AK9: variants seen among roughly 807,000 people sequenced by gnomAD.
AK9 encodes the protein adenylate kinase domain containing 1.
AK9 carries 191 observed loss-of-function variants against 239.6 expected under a neutral mutation model. The observed-to-expected ratio is 0.80, with a 90% CI of 0.71 to 0.90. The LOEUF (loss-of-function observed/expected upper bound fraction) is 0.90. AK9 is among the 40% of genes least tolerant of loss of function. The pLI is 0.00. For missense variants in AK9, 1,995 were observed against 2,214.7 expected (o/e 0.90, Z 1.99); for synonymous variants, 689 against 721.0 (o/e 0.96, Z 0.71).
chr6:109,675,455 A>G (rs938289883), intron 2 of AK9, among the ~76,000 whole-genome samples, 174 bp downstream of exon 2: 1 of 152,132 alleles, frequency 6.6e-6, no homozygotes, highest in Non-Finnish European at 1.5e-5. Flanking sequence ...TGTGTGCAAG[A>G]GATAGTTATG....
Position 109,497,956 on chromosome 6 carries a change from CCAAGAATTT to C in AK9, c.5047_5055del (p.Lys1683_Leu1685del). Reference sequence around the variant, plus strand: ...GGAGGCACGTACAATTCTGGGTTCTCCAAGAATTTCTATTAAAAAAGAATTCCAGTAGCA... The same window carrying C: ...GGAGGCACGTACAATTCTGGGTTCTCCTATTAAAAAAGAATTCCAGTAGCA... On this transcript the variant is annotated inframe_deletion and splice_region_variant, in exon 37 of 41. Transcript: ENST00000424296. The C allele has an allele frequency of 6.2e-7, 1 of 1,612,964 alleles. No homozygotes were observed. The highest frequency in any genetic ancestry group is 8.5e-7 in the Non-Finnish European group (1 of 1,179,158).
intron 8 of AK9, among the ~76,000 whole-genome samples, chr6:109,653,461 T>TATCATAGCC (rs1799257055): frequency 6.6e-6 from 1 of 152,202 alleles, no homozygotes; most frequent in African/African-American, 2.4e-5. Context: ...TAAACTGCCT[T>TATCATAGCC]ATCATAGCCT....
chr6:109,651,982 G>A (rs1216293086), intron 8 of AK9, among the ~76,000 whole-genome samples: 2 of 152,076 alleles, frequency 1.3e-5, no homozygotes, highest in African/African-American at 4.8e-5. Context: ...GGTACAAAGA[G>A]GAGCTGGTAC....
Position 109,516,607 on chromosome 6 carries a change from T to C in AK9, c.3669A>G (p.Glu1223=). The C allele has an allele frequency of 7.7e-6, 12 of 1,550,486 alleles. No homozygotes were observed. The highest frequency in any genetic ancestry group is 8.7e-6 in the Non-Finnish European group (10 of 1,146,858). ...TATCATCATTGTCTTCTTCAAGTTC[T>C]TCCTCACTAATCTCTTCATCATCTC... ...VVRDDEEISE[E]ELEEDNDDIE... Residue 1223 remains glutamate (E), a synonymous_variant, in exon 30 of 41, where the codon GAA becomes GAG. Transcript: ENST00000424296.
chr6:109,599,984 C>T (rs561186347), intron 17 of AK9, among the ~76,000 whole-genome samples: 7 of 152,274 alleles, frequency 4.6e-5, no homozygotes, highest in African/African-American at 9.6e-5. Flanking sequence ...TGGGCTGAGA[C>T]GATGGGGTTT....
intron 17 of AK9, among the ~76,000 whole-genome samples, chr6:109,598,408 A>T (rs1027863008): frequency 1.3e-5 from 2 of 152,186 alleles, no homozygotes; most frequent in South Asian, 4.1e-4. Flanking sequence ...CGAACTCATC[A>T]TTTTTTATGG....
chr6:109,563,542 T>G, intron 24 of AK9, 55 bp downstream of exon 24: 7 of 1,535,660 alleles, frequency 4.6e-6, no homozygotes, highest in Non-Finnish European at 6.1e-6. Flanking sequence ...CACTCTTATT[T>G]GCATATTTTC....
At chr6:109,632,894 G>C (rs1334706123) in intron 12 of AK9, 29 bp downstream of exon 12, 2 of 1,601,628 alleles carry the variant, frequency 1.2e-6, no homozygotes, top group African/African-American at 2.7e-5. Context: ...TAGATAGATA[G>C]ATAGATAGAC....
chr6:109,670,883 G>T (rs1232070341), intron 5 of AK9, among the ~76,000 whole-genome samples: 4 of 151,964 alleles, frequency 2.6e-5, no homozygotes, highest in African/African-American at 9.7e-5. Flanking sequence ...GTAATAAGTG[G>T]ATAGATAGGT....
chr6:109,582,783 T>C (rs1253925302), intron 19 of AK9, among the ~76,000 whole-genome samples: 10 of 152,202 alleles, frequency 6.6e-5, no homozygotes, highest in Non-Finnish European at 1.2e-4. Context: ...CAACATTACA[T>C]ACTACAGAAA....
intron 5 of AK9, among the ~76,000 whole-genome samples, chr6:109,671,513 G>C (rs1281623376): frequency 6.6e-6 from 1 of 152,214 alleles, no homozygotes; most frequent in African/African-American, 2.4e-5. Context: ...GAGCTCAACA[G>C]TAAGATAGTG....
intron 12 of AK9, among the ~76,000 whole-genome samples, chr6:109,625,294 C>G (rs1438839558): frequency 6.6e-6 from 1 of 152,154 alleles, no homozygotes; most frequent in African/African-American, 2.4e-5. Flanking sequence ...TCTAGGATGG[C>G]TTTTCTTCTT....
At position 109,573,596 on chromosome 6, in the gene AK9, T is replaced by C; in HGVS notation, n.903-2A>G. 2.6e-6 allele frequency: 4 copies of C among 1,533,382 alleles called. No homozygotes were observed. The highest frequency in any genetic ancestry group is 3.5e-6 in the Non-Finnish European group (4 of 1,140,430). 95.0% of individuals were successfully genotyped at this position (1,533,382 alleles called of 1,614,324 possible). On this transcript the variant is annotated splice_acceptor_variant and non_coding_transcript_variant, in intron 8 of 12. Transcript: ENST00000466992. ...CCTCATTATCAGTCTCTTCAGCTTC[T>C]AAAAAAATTTGAAGAAATAAATTAT... is the stretch of plus-strand genomic sequence containing the variant.
At chr6:109,515,662 C>T (rs1240990322) in intron 31 of AK9, among the ~76,000 whole-genome samples, 195 bp downstream of exon 31, 1 of 152,100 alleles carries the variant, frequency 6.6e-6, no homozygotes, top group Non-Finnish European at 1.5e-5. Context: ...CTCTATGTTA[C>T]ACAGTTGGTG....
At chr6:109,666,240 G>A (rs1562581356) in intron 5 of AK9, among the ~76,000 whole-genome samples, 1 of 152,164 alleles carries the variant, frequency 6.6e-6, no homozygotes, top group South Asian at 2.1e-4. Flanking sequence ...TCTCACCATT[G>A]CAGATGTAAA....
chr6:109,544,441 T>G (rs1374107139), intron 26 of AK9, among the ~76,000 whole-genome samples: 1 of 152,098 alleles, frequency 6.6e-6, no homozygotes, highest in Non-Finnish European at 1.5e-5. Flanking sequence ...GGGGGTGGTT[T>G]CTCATGAATG....
intron 8 of AK9, among the ~76,000 whole-genome samples, chr6:109,653,261 G>C (rs1799227164): frequency 6.6e-6 from 1 of 152,144 alleles, no homozygotes; most frequent in South Asian, 2.1e-4. Context: ...GGTAGGTATA[G>C]CCAGTTGTTT....
At chr6:109,664,516 C>T (rs904680669) in intron 5 of AK9, among the ~76,000 whole-genome samples, 26 of 152,104 alleles carry the variant, frequency 1.7e-4, no homozygotes, top group African/African-American at 4.6e-4. Flanking sequence ...CCTCCGCCTC[C>T]GGGGTTCAAG....
intron 1 of AK9, chr6:109,690,675 A>T (rs1218686400): frequency 6.6e-6 from 1 of 152,238 alleles, no homozygotes; most frequent in Non-Finnish European, 1.5e-5. Context: ...ATTTATAATT[A>T]TAATACACTC....
Sources: allele counts gnomAD v4.1 joint callset (sites outside exome capture counted in the v4.1 genomes callset), GRCh38; gene constraint gnomAD v4.1.1; transcripts MANE v1.5; gene names NCBI Gene and HGNC (gene_info 2026-07-23, HGNC 2026-07-21).